The following PRR27 variants were observed in gnomAD, a reference collection of about 807,000 sequenced individuals.
The protein encoded by PRR27 is proline-rich protein 27.
PRR27 carries 12 observed loss-of-function variants against 16.8 expected under a neutral mutation model. The observed-to-expected ratio is 0.71, with a 90% CI of 0.46 to 1.16. The LOEUF (loss-of-function observed/expected upper bound fraction) is 1.16. Among genes scored for constraint, PRR27 ranks in the 50% most tolerant of loss-of-function variants. PRR27 has a pLI of 0.00. For synonymous variants in PRR27, 100 were observed against 98.4 expected (o/e 1.02, Z -0.10); for missense variants, 277 against 273.3 (o/e 1.01, Z -0.10).
chr4:70,154,442 T>A lies in PRR27; in HGVS notation c.51+16T>A. 6.3e-7 allele frequency: 1 copy of A among 1,595,820 alleles called. No individual in the cohort carries two copies. On this transcript the variant is annotated intron_variant, in intron 1 of 4. Coordinates refer to ENST00000344526, the MANE Select transcript of PRR27 (RefSeq NM_214711.4). Reference sequence around the variant, plus strand: ...TGCAAGGAAGGTAAGTAAATGGACTTCCAAAATTGTAACAATTGTATAACC... The same window carrying A: ...TGCAAGGAAGGTAAGTAAATGGACTACCAAAATTGTAACAATTGTATAACC...
chr4:70,160,443 C>CTCTCTCTCTCTCTCTGTGTGTGTGTG lies in PRR27; in HGVS notation c.649-1142_649-1141insCTCTCTCTCTCTCTGTGTGTGTGTGT, dbSNP rs1298386504. The stretch of plus-strand genomic sequence containing the variant: ...TCTCTCTCTCTCTCTCTCTCTCTCT[C>CTCTCTCTCTCTCTCTGTGTGTGTGTG]TGTGTGTGTGTGTGTGTGTGTGTGT... On this transcript the variant is annotated intron_variant, in intron 3 of 4. Coordinates refer to ENST00000344526, the MANE Select transcript of PRR27 (RefSeq NM_214711.4). 5.9e-3 allele frequency among the ~76,000 whole-genome samples: 403 copies of CTCTCTCTCTCTCTCTGTGTGTGTGTG among 68,598 alleles called. 2 individuals carry two copies. The highest frequency in any genetic ancestry group is 0.014 in the Middle Eastern group (1 of 72). 45.0% of individuals were successfully genotyped at this position (68,598 alleles called of 152,430 possible).
rs1265324061 is a variant in PRR27, at chr4:70,165,639, T to C, written c.*2978T>C. The C allele has an allele frequency of 6.6e-6, 1 of 152,096 alleles. No individual in the cohort carries two copies. 9.4% of individuals were successfully genotyped at this position (152,096 alleles called of 1,614,324 possible). The stretch of plus-strand genomic sequence containing the variant: ...AATTATTTTGAGTCATATCTTTTGA[T>C]CGATATTAAGATACATTTGCAGAGT... On this transcript the variant is annotated 3_prime_UTR_variant, in exon 5 of 5. Transcript: ENST00000344526.
Position 70,158,800 on chromosome 4 carries a change from CTGT to C in PRR27, c.551_553del (p.Val184del), listed in dbSNP as rs773101837. The C allele has an allele frequency of 6.2e-7, 1 of 1,613,478 alleles. No homozygotes were observed. The highest frequency in any genetic ancestry group is 1.1e-5 in the South Asian group (1 of 91,042). ...GCAGCTGAGCCTGCTGCAGAGGCAC[CTGT>C]TGGAGTGGAGCCAGCTGCAGAGGAA... On this transcript the variant is annotated inframe_deletion, in exon 3 of 5. Transcript: ENST00000344526.
chr4:70,155,396 C>G (rs1578218287), intron 1 of PRR27, among the ~76,000 whole-genome samples: 1 of 150,148 alleles, frequency 6.7e-6, no homozygotes, highest in African/African-American at 2.5e-5. Flanking sequence ...GACGGAGTCT[C>G]GCTCTGTAGC....
At position 70,154,529 on chromosome 4, in the gene PRR27, G is replaced by C. The variant is rs1728432828; in HGVS notation, c.51+103G>C. On this transcript the variant is annotated intron_variant, in intron 1 of 4. Coordinates refer to ENST00000344526, the MANE Select transcript of PRR27 (RefSeq NM_214711.4). ...AAAGTACTATAGTGTTTGTAATAAA[G>C]CAGCAGAGAGACATAGATGGACATG... 4.0e-6 allele frequency: 4 copies of C among 993,660 alleles called. No homozygotes were observed. In the South Asian group the frequency reaches 5.3e-5, roughly 13 times the overall value. 61.6% of individuals were successfully genotyped at this position (993,660 alleles called of 1,614,324 possible).
chr4:70,160,607 G>T (rs971831139), intron 3 of PRR27, among the ~76,000 whole-genome samples: 4 of 151,804 alleles, frequency 2.6e-5, no homozygotes, highest in African/African-American at 9.7e-5. Context: ...TTGAAAAATT[G>T]TTCCTTCTCA....
chr4:70,156,881 T>C (rs1457906997), intron 2 of PRR27, among the ~76,000 whole-genome samples: 1 of 149,982 alleles, frequency 6.7e-6, no homozygotes, highest in South Asian at 2.1e-4. Context: ...AATTTTTTTT[T>C]GCATCATTTT....
At chr4:70,154,790 A>G in intron 1 of PRR27, 1 of 1,303,274 alleles carries the variant, frequency 7.7e-7, no homozygotes, top group Non-Finnish European at 1.0e-6. Flanking sequence ...CCATTGCTGG[A>G]GGTATTTATG....
In PRR27 at chr4:70,154,400, A is replaced by G. The variant is rs1022345927; in HGVS notation, c.25A>G (p.Ile9Val). Residue 9 changes from isoleucine to valine, a missense_variant, in exon 1 of 5, where the codon ATT (isoleucine) becomes GTT (valine). Coordinates refer to ENST00000344526, the MANE Select transcript of PRR27 (RefSeq NM_214711.4). ...AATGAAGCTTCTCCTTTGGGCCTGCATTGTATGTGTTGCTTTTGCAAGGAA... is the reference window on the plus strand; with the variant it reads ...AATGAAGCTTCTCCTTTGGGCCTGCGTTGTATGTGTTGCTTTTGCAAGGAA... MKLLLWAC[I>V]VCVAFARKRR... The G allele has an allele frequency of 6.2e-7, 1 of 1,612,954 alleles. No homozygotes were observed. Among genetic ancestry groups the G allele is most frequent in the Non-Finnish European group, 8.5e-7 (1 of 1,179,210 alleles).
chr4:70,158,971 A>G, intron 3 of PRR27, 71 bp downstream of exon 3: 2 of 1,322,014 alleles, frequency 1.5e-6, no homozygotes, highest in African/African-American at 1.5e-5. Flanking sequence ...AAAAAAAACC[A>G]CTCCCCAAGC....
At chr4:70,155,372 T>TC (rs2109789423) in intron 1 of PRR27, among the ~76,000 whole-genome samples, 1 of 149,708 alleles carries the variant, frequency 6.7e-6, no homozygotes, top group East Asian at 1.9e-4. Context: ...TGTTTGTGGT[T>TC]TTTTTTTTTT....
chr4:70,164,727 G>T lies in PRR27; in HGVS notation c.*2066G>T, dbSNP rs1370772552. Reference sequence around the variant, plus strand: ...AGAATTTGTAAATATGACTGTATAAGAAACAACAGAAAGATGAAGATGAAC... The same window carrying T: ...AGAATTTGTAAATATGACTGTATAATAAACAACAGAAAGATGAAGATGAAC... On this transcript the variant is annotated 3_prime_UTR_variant, in exon 5 of 5. Transcript: ENST00000344526. 1 of 152,000 alleles carries T rather than the reference G, an allele frequency of 6.6e-6. No individual in the cohort carries two copies. The highest frequency in any genetic ancestry group is 2.4e-5 in the African/African-American group (1 of 41,406). The allele number at this position is 152,000 out of a possible 1,614,324, so 9.4% of individuals were successfully genotyped here.
Position 70,158,484 on chromosome 4 carries a change from A to T in PRR27, c.232A>T (p.Ile78Phe). 6.2e-7 allele frequency: 1 copy of T among 1,614,106 alleles called. No individual in the cohort carries two copies. The highest frequency in any genetic ancestry group is 2.2e-5 in the East Asian group (1 of 44,874). ...TDTGLPSYPWILTSPGFPYVY... is the reference protein window; with the variant it reads ...TDTGLPSYPWFLTSPGFPYVY... ...CACAGGGTTACCTTCGTATCCCTGGATTCTAACTTCTCCTGGATTCCCCTA... is the reference window on the plus strand; with the variant it reads ...CACAGGGTTACCTTCGTATCCCTGGTTTCTAACTTCTCCTGGATTCCCCTA... Residue 78 changes from isoleucine to phenylalanine, a missense_variant, in exon 3 of 5, where the codon ATT (isoleucine) becomes TTT (phenylalanine). Transcript: ENST00000344526.
rs1298386504 is a variant in PRR27 at position 70,160,443 on chromosome 4, C to CTCTGTGTGTGTGTGTGTG, written c.649-1142_649-1141insCTGTGTGTGTGTGTGTGT. Among the ~76,000 whole-genome samples the CTCTGTGTGTGTGTGTGTG allele has an allele frequency of 1.6e-3, 107 of 68,694 alleles. 1 individual carries two copies. The highest frequency in any genetic ancestry group is 3.5e-3 in the Admixed American group (15 of 4,346). 45.1% of individuals were successfully genotyped at this position (68,694 alleles called of 152,430 possible). On this transcript the variant is annotated intron_variant, in intron 3 of 4. Transcript: ENST00000344526. ...TCTCTCTCTCTCTCTCTCTCTCTCT[C>CTCTGTGTGTGTGTGTGTG]TGTGTGTGTGTGTGTGTGTGTGTGT...
In PRR27 at chr4:70,165,644, A is replaced by T. The variant is rs1236227756; in HGVS notation, c.*2983A>T. On this transcript the variant is annotated 3_prime_UTR_variant, in exon 5 of 5. Transcript: ENST00000344526. ...TTTTGAGTCATATCTTTTGATCGAT[A>T]TTAAGATACATTTGCAGAGTTTTGT... 6.6e-6 allele frequency: 1 copy of T among 152,086 alleles called. No individual in the cohort carries two copies. Among genetic ancestry groups the T allele is most frequent in the Non-Finnish European group, 1.5e-5 (1 of 67,972 alleles). The allele number at this position is 152,086 out of a possible 1,614,324, so 9.4% of individuals were successfully genotyped here. A position where few individuals can be genotyped will look rare whatever the true frequency, so the allele number is the denominator to read the frequency against.
chr4:70,158,474 G>T lies in PRR27; in HGVS notation c.222G>T (p.Ser74=), dbSNP rs971810835. The part of the protein sequence containing the change: ...GNTYTDTGLP[S]YPWILTSPGF... Reference sequence around the variant, plus strand: ...CTTACACTGACACAGGGTTACCTTCGTATCCCTGGATTCTAACTTCTCCTG... The same window carrying T: ...CTTACACTGACACAGGGTTACCTTCTTATCCCTGGATTCTAACTTCTCCTG... Residue 74 remains serine, a synonymous_variant, in exon 3 of 5, where the codon TCG becomes TCT. Coordinates refer to ENST00000344526, the MANE Select transcript of PRR27 (RefSeq NM_214711.4). 6.2e-7 allele frequency: 1 copy of T among 1,614,058 alleles called. No individual in the cohort carries two copies. Among genetic ancestry groups the T allele is most frequent in the Non-Finnish European group, 8.5e-7 (1 of 1,179,988 alleles).
At position 70,165,724 on chromosome 4, in the gene PRR27, C is replaced by A. The variant is rs1728750584; in HGVS notation, c.*3063C>A. 1 of 152,026 alleles carries A rather than the reference C, an allele frequency of 6.6e-6. No homozygotes were observed. The highest frequency in any genetic ancestry group is 1.5e-5 in the Non-Finnish European group (1 of 67,940). The allele number at this position is 152,026 out of a possible 1,614,324, so 9.4% of individuals were successfully genotyped here. On this transcript the variant is annotated 3_prime_UTR_variant, in exon 5 of 5. Transcript: ENST00000344526. Reference sequence around the variant, plus strand: ...CTTTACTGTATAGCGTTCCCTTTAGCCACTGGAAAATGATATAATGTCATT... The same window carrying A: ...CTTTACTGTATAGCGTTCCCTTTAGACACTGGAAAATGATATAATGTCATT...
At chr4:70,155,230 T>C (rs1728447808) in intron 1 of PRR27, among the ~76,000 whole-genome samples, 1 of 152,208 alleles carries the variant, frequency 6.6e-6, no homozygotes, top group Non-Finnish European at 1.5e-5. Context: ...CTGTACTTTT[T>C]ATTTTTATTC....
intron 2 of PRR27, 21 bp downstream of exon 2, chr4:70,156,098 C>T: frequency 1.5e-6 from 2 of 1,328,766 alleles, no homozygotes; most frequent in Non-Finnish European, 1.0e-6. Context: ...TTTTTCTTTA[C>T]ACGCAAGTAT....
Sources: gnomAD v4.1 joint callset for allele counts (sites outside exome capture counted in the v4.1 genomes callset) on GRCh38, gnomAD v4.1.1 for gene constraint, MANE v1.5 for transcripts, NCBI Gene and HGNC (gene_info 2026-07-23, HGNC 2026-07-21) for gene names.